FAF1: variants seen among roughly 807,000 people sequenced by gnomAD.
The protein encoded by FAF1 is Fas associated factor 1.
A neutral mutation model predicts 92.5 loss-of-function variants in FAF1; 25 were observed. That is an observed-to-expected ratio of 0.27 (90% CI 0.20 to 0.38). The LOEUF (loss-of-function observed/expected upper bound fraction) is 0.38, where lower values mean the gene tolerates loss of function less well. Ranked by LOEUF, FAF1 falls within the 10% of genes least tolerant of loss-of-function variation. The pLI, the probability that FAF1 is intolerant of heterozygous loss-of-function variation, is 1.00. For missense variants in FAF1, 636 were observed against 793.3 expected (o/e 0.80, Z 2.38); for synonymous variants, 234 against 273.2 (o/e 0.86, Z 1.42).
intron 8 of FAF1, among the ~76,000 whole-genome samples, chr1:50,641,438 ACT>A (rs1340409009): frequency 7.4e-4 from 112 of 152,108 alleles, no homozygotes; most frequent in African/African-American, 2.7e-3. Flanking sequence ...TTCTTCTTTG[ACT>A]CATGAATTTA....
chr1:50,890,872 C>T (rs1465846981), intron 1 of FAF1, among the ~76,000 whole-genome samples: 2 of 152,094 alleles, frequency 1.3e-5, no homozygotes, highest in African/African-American at 2.4e-5. Context: ...ATCTTTGTGA[C>T]GTTCTCTGTA....
intron 1 of FAF1, among the ~76,000 whole-genome samples, chr1:50,932,908 A>AT (rs1645059611): frequency 6.6e-6 from 1 of 152,198 alleles, no homozygotes; most frequent in African/African-American, 2.4e-5. Flanking sequence ...GCTCAACACC[A>AT]TGTGGAAGCT....
chr1:50,617,701 T>G (rs868319486), intron 8 of FAF1, among the ~76,000 whole-genome samples: 12 of 151,356 alleles, frequency 7.9e-5, no homozygotes, highest in South Asian at 4.2e-4. Flanking sequence ...CTGTTTTTTT[T>G]TTTTTTTTTT....
intron 8 of FAF1, among the ~76,000 whole-genome samples, chr1:50,622,886 T>C (rs1187273560): frequency 6.6e-6 from 1 of 152,216 alleles, no homozygotes; most frequent in Non-Finnish European, 1.5e-5. Flanking sequence ...TGGTCATAAA[T>C]GAGAGGTAGC....
At chr1:50,953,738 TCAAA>T in intron 1 of FAF1, among the ~76,000 whole-genome samples, 1 of 151,358 alleles carries the variant, frequency 6.6e-6, no homozygotes, top group African/African-American at 2.4e-5. Flanking sequence ...AAACTCTGTC[TCAAA>T]CAAAAAAAAA....
chr1:50,672,557 A>T (rs1042515617), intron 7 of FAF1, among the ~76,000 whole-genome samples: 16 of 152,194 alleles, frequency 1.1e-4, no homozygotes, highest in Admixed American at 4.6e-4. Flanking sequence ...TGCTGGGATT[A>T]TAGGCGTGAG....
At chr1:50,490,559 G>T in intron 17 of FAF1, 29 bp downstream of exon 17, 1 of 912,128 alleles carries the variant, frequency 1.1e-6, no homozygotes, top group South Asian at 1.5e-5. Context: ...CCCAGCTTTT[G>T]AATAACTTTT....
chr1:50,836,246 C>G lies in FAF1; in HGVS notation c.114+21683G>C, dbSNP rs567529000. Among the ~76,000 whole-genome samples the G allele has an allele frequency of 7.7e-4, 106 of 138,176 alleles. 1 individual carries two copies. Among genetic ancestry groups the G allele is most frequent in the African/African-American group, 2.8e-3 (102 of 36,298 alleles). 90.6% of individuals were successfully genotyped at this position (138,176 alleles called of 152,430 possible). A position where few individuals can be genotyped will look rare whatever the true frequency, so the allele number is the denominator to read the frequency against. On this transcript the variant is annotated intron_variant, in intron 2 of 18. Transcript: ENST00000396153. ...AGTGCAGTGATGTGATCATAGCTCACTTTAACTTTGAACTCCTGGGCTCAG... is the reference window on the plus strand; with the variant it reads ...AGTGCAGTGATGTGATCATAGCTCAGTTTAACTTTGAACTCCTGGGCTCAG...
chr1:50,742,850 C>G (rs1659442254), intron 5 of FAF1, among the ~76,000 whole-genome samples: 1 of 152,164 alleles, frequency 6.6e-6, no homozygotes, highest in South Asian at 2.1e-4. Flanking sequence ...CAAACTATGG[C>G]CTGTGGGTCA....
rs56037430 is a variant in FAF1, at chr1:50,725,653, G to A, written c.551+13210C>T. Among the ~76,000 whole-genome samples the A allele has an allele frequency of 7.7e-3, 1,175 of 151,978 alleles. 13 individuals carry two copies. The highest frequency in any genetic ancestry group is 0.027 in the African/African-American group (1,132 of 41,448). ...GTATTTTTAGTAAAGAAGGGGTTTC[G>A]CCATGTTGTCCAGGCTGGTCTTGAA... On this transcript the variant is annotated intron_variant, in intron 6 of 18. Transcript: ENST00000396153.
At chr1:50,502,557 G>C (rs1647005348) in intron 15 of FAF1, among the ~76,000 whole-genome samples, 1 of 152,174 alleles carries the variant, frequency 6.6e-6, no homozygotes, top group Admixed American at 6.5e-5. Context: ...AGGAACTAAG[G>C]TCAGGCAGTT....
rs764058700 is a variant in FAF1 at position 50,637,679 on chromosome 1, A to ATGTGTGTGTGTGTGTGTG, written c.744+17762_744+17763insCACACACACACACACACA. ...CTCACTCTGTGGCTCACACATATAT[A>ATGTGTGTGTGTGTGTGTG]TATGTGTGTGTGTGTGTGTGTGTGT... On this transcript the variant is annotated intron_variant, in intron 8 of 18. Transcript: ENST00000396153. Among the ~76,000 whole-genome samples, 10 of 101,812 alleles carry ATGTGTGTGTGTGTGTGTG rather than the reference A, an allele frequency of 9.8e-5. No individual in the cohort carries two copies. The South Asian group carries it at 1.1e-3, about 12-fold the overall frequency. The allele number at this position is 101,812 out of a possible 152,430, so 66.8% of individuals were successfully genotyped here.
intron 18 of FAF1, among the ~76,000 whole-genome samples, chr1:50,462,497 G>GT (rs916027684): frequency 9.2e-5 from 14 of 152,132 alleles, no homozygotes; most frequent in African/African-American, 2.9e-4. Flanking sequence ...TTTGTTTATA[G>GT]TAACAAGCAA....
intron 7 of FAF1, among the ~76,000 whole-genome samples, chr1:50,693,565 T>C (rs1328821515): frequency 1.3e-5 from 2 of 152,164 alleles, no homozygotes; most frequent in Non-Finnish European, 2.9e-5. Context: ...TAATTTACTT[T>C]TACAATCTTA....
intron 14 of FAF1, among the ~76,000 whole-genome samples, chr1:50,537,337 T>A (rs1158445583): frequency 2.6e-5 from 4 of 152,190 alleles, no homozygotes; most frequent in Non-Finnish European, 5.9e-5. Context: ...GACTTGTAGG[T>A]ACTACATATT....
intron 7 of FAF1, among the ~76,000 whole-genome samples, chr1:50,674,954 G>T (rs759638595): frequency 1.3e-5 from 2 of 151,832 alleles, no homozygotes; most frequent in Non-Finnish European, 2.9e-5. Flanking sequence ...GCAGTGGCGC[G>T]ATCTTGGCTA....
rs1032046859 is a variant in FAF1 at position 50,583,770 on chromosome 1, A to G, written c.968-55T>C. On this transcript the variant is annotated intron_variant, in intron 10 of 18. Coordinates refer to ENST00000396153, the MANE Select transcript of FAF1 (RefSeq NM_007051.3). The surrounding 1 kb of genome is among the most constrained non-coding windows in gnomAD (Gnocchi z 4.2). ...ACAAAAAAACAAAACAAATAGACACAAAAACAAACCACATAACATCTAATC... is the reference window on the plus strand; with the variant it reads ...ACAAAAAAACAAAACAAATAGACACGAAAACAAACCACATAACATCTAATC... The G allele has an allele frequency of 8.9e-7, 1 of 1,122,928 alleles. No individual in the cohort carries two copies. Among genetic ancestry groups the G allele is most frequent in the Non-Finnish European group, 1.3e-6 (1 of 761,486 alleles). The allele number at this position is 1,122,928 out of a possible 1,614,324, so 69.6% of individuals were successfully genotyped here.
At chr1:50,678,694 C>T (rs766079594) in intron 7 of FAF1, among the ~76,000 whole-genome samples, 11 of 142,270 alleles carry the variant, frequency 7.7e-5, no homozygotes, top group African/African-American at 2.4e-4. Context: ...GCAGGAGAAT[C>T]GCTTGAACCC....
At chr1:50,636,116 G>A (rs1463542167) in intron 8 of FAF1, among the ~76,000 whole-genome samples, 1 of 152,086 alleles carries the variant, frequency 6.6e-6, no homozygotes, top group Non-Finnish European at 1.5e-5. Context: ...TAAGGTCTCA[G>A]ATCAACATAC....
Sources: gnomAD v4.1 joint callset for allele counts (sites outside exome capture counted in the v4.1 genomes callset) on GRCh38, gnomAD v4.1.1 for gene constraint, Gnocchi (gnomAD v3.1) non-coding constraint, MANE v1.5 for transcripts, NCBI Gene and HGNC (gene_info 2026-07-23, HGNC 2026-07-21) for gene names.